The following ABHD3 variants were observed in gnomAD, a reference collection of about 807,000 sequenced individuals.
ABHD3 encodes the protein phospholipase ABHD3.
In ABHD3, 46 loss-of-function variants were observed where a neutral mutation model predicts 48.8. That is an observed-to-expected ratio of 0.94 (90% CI 0.74 to 1.20). The LOEUF (loss-of-function observed/expected upper bound fraction) is 1.20. ABHD3 is among the 50% of genes most tolerant of loss of function. The pLI, the probability that ABHD3 is intolerant of heterozygous loss-of-function variation, is 0.00. For synonymous variants in ABHD3, 192 were observed against 183.7 expected (o/e 1.04, Z -0.36); for missense variants, 490 against 497.8 (o/e 0.98, Z 0.15).
At chr18:21,663,269 G>A (rs1378073587) in intron 5 of ABHD3, among the ~76,000 whole-genome samples, 4 of 151,898 alleles carry the variant, frequency 2.6e-5, no homozygotes, top group African/African-American at 9.7e-5. Context: ...AGTGATTCAT[G>A]TTCAAGATGT....
chr18:21,689,945 A>C (rs2040210319), intron 3 of ABHD3, among the ~76,000 whole-genome samples: 2 of 152,182 alleles, frequency 1.3e-5, no homozygotes, highest in Non-Finnish European at 2.9e-5. Context: ...AACTGTCCAG[A>C]ACACAACCCC....
In ABHD3 at chr18:21,659,342, T is replaced by C; in HGVS notation, c.670A>G (p.Met224Val). Reference protein sequence around the residue: ...FLAAGVSMGGMLLLNYLGKIG... With the variant: ...FLAAGVSMGGVLLLNYLGKIG... ...TTGCCCAAGTAATTTAGAAGCAGCATTCTAAAATGGGGAGAAACAGGAAAC... is the reference window on the plus strand; with the variant it reads ...TTGCCCAAGTAATTTAGAAGCAGCACTCTAAAATGGGGAGAAACAGGAAAC... The change falls in exon 6 of 9, where the codon ATG becomes GTG. Residue 224 changes from methionine to valine, a missense_variant and splice_region_variant. Met to Val is a conservative substitution (Grantham distance 21). Transcript: ENST00000289119. The C allele has an allele frequency of 6.2e-7, 1 of 1,605,918 alleles. No individual in the cohort carries two copies. Among genetic ancestry groups the C allele is most frequent in the Non-Finnish European group, 8.5e-7 (1 of 1,177,610 alleles).
chr18:21,702,050 A>G (rs780776051), intron 3 of ABHD3: 113 of 277,876 alleles, frequency 4.1e-4, no homozygotes, highest in Middle Eastern at 2.2e-3. Context: ...GGGCTCAGTC[A>G]ATGCTCAGAT....
chr18:21,702,198 T>C (rs2040527762), intron 3 of ABHD3, 118 bp downstream of exon 3: 7 of 888,094 alleles, frequency 7.9e-6, no homozygotes, highest in Non-Finnish European at 8.1e-6. Context: ...AAAATAATAA[T>C]TTAAGGGACT....
At chr18:21,659,118 C>A (rs551240611) in intron 6 of ABHD3, 52 bp downstream of exon 6, 178 of 1,561,196 alleles carry the variant, frequency 1.1e-4, no homozygotes, top group Non-Finnish European at 1.4e-4. Context: ...GGATTACAGG[C>A]GTGAGCCACC....
At chr18:21,687,966 A>G (rs910349217) in intron 3 of ABHD3, among the ~76,000 whole-genome samples, 1 of 152,352 alleles carries the variant, frequency 6.6e-6, no homozygotes, top group East Asian at 1.9e-4. Context: ...GTCTCCAGAC[A>G]TTGCCAAATG....
chr18:21,664,077 G>C (rs764241281), intron 5 of ABHD3, 41 bp downstream of exon 5: 1 of 1,577,066 alleles, frequency 6.3e-7, no homozygotes, highest in Non-Finnish European at 8.6e-7. Flanking sequence ...CAATAAAATA[G>C]CTTCCCTCTC....
chr18:21,690,595 G>A (rs2146327020), intron 3 of ABHD3, among the ~76,000 whole-genome samples: 1 of 151,968 alleles, frequency 6.6e-6, no homozygotes, highest in South Asian at 2.1e-4. Flanking sequence ...GAGCAAGACT[G>A]TCTCAAAAAC....
At chr18:21,675,194 A>T (rs2039849834) in intron 4 of ABHD3, among the ~76,000 whole-genome samples, 1 of 150,758 alleles carries the variant, frequency 6.6e-6, no homozygotes. Flanking sequence ...GAGACCACTC[A>T]TCAGCTTTAT....
At position 21,659,128 on chromosome 18, in the gene ABHD3, C is replaced by T. The variant is rs112413414; in HGVS notation, c.842+42G>A. ...TGCTGGGATTACAGGCGTGAGCCAC[C>T]GGGCCCGGCCCTGGAGACAACAGAT... On this transcript the variant is annotated intron_variant, in intron 6 of 8. Transcript: ENST00000289119. The T allele has an allele frequency of 3.3e-3, 5,296 of 1,581,190 alleles. 43 individuals carry two copies. Among genetic ancestry groups the T allele is most frequent in the African/African-American group, 0.029 (2,137 of 73,472 alleles).
intron 3 of ABHD3, among the ~76,000 whole-genome samples, chr18:21,697,074 CTTTT>C (rs781661076): frequency 2.2e-5 from 3 of 135,696 alleles, no homozygotes; most frequent in Non-Finnish European, 3.1e-5. Flanking sequence ...ATTCTATTAA[CTTTT>C]TTTTTTTTTT....
chr18:21,694,359 A>C (rs1229313522), intron 3 of ABHD3, among the ~76,000 whole-genome samples: 3 of 152,216 alleles, frequency 2.0e-5, no homozygotes, highest in Non-Finnish European at 4.4e-5. Flanking sequence ...GGCCTCCCAA[A>C]GTGCTGGGAT....
intron 3 of ABHD3, among the ~76,000 whole-genome samples, chr18:21,697,608 T>G (rs1249041063): frequency 6.6e-6 from 1 of 152,168 alleles, no homozygotes; most frequent in Admixed American, 6.5e-5. Context: ...CTCAAACTCC[T>G]GACCTCAAGT....
rs1252758353 is a variant in ABHD3 at position 21,651,768 on chromosome 18, A to G, written c.1058-5T>C. On this transcript the variant is annotated splice_polypyrimidine_tract_variant and splice_region_variant and intron_variant, in intron 8 of 8. Coordinates refer to ENST00000289119, the MANE Select transcript of ABHD3 (RefSeq NM_138340.5). ...TAGCAGTTTCTATTGGAATAGCTTC[A>G]GACCAAAAAAAACATGGCAATAAGA... is the stretch of plus-strand genomic sequence containing the variant. 1.3e-6 allele frequency: 2 copies of G among 1,519,018 alleles called. No individual in the cohort carries two copies. Among genetic ancestry groups the G allele is most frequent in the Non-Finnish European group, 1.8e-6 (2 of 1,132,674 alleles). 94.1% of individuals were successfully genotyped at this position (1,519,018 alleles called of 1,614,324 possible).
At chr18:21,656,646 T>G (rs2039357040) in intron 8 of ABHD3, among the ~76,000 whole-genome samples, 1 of 152,178 alleles carries the variant, frequency 6.6e-6, no homozygotes, top group Non-Finnish European at 1.5e-5. Context: ...AGCAAAACAG[T>G]GAGTCATAAT....
chr18:21,693,841 C>T (rs2040307442), intron 3 of ABHD3, among the ~76,000 whole-genome samples: 1 of 152,168 alleles, frequency 6.6e-6, no homozygotes, highest in African/African-American at 2.4e-5. Flanking sequence ...AAAATGATTT[C>T]TTATCTAAGA....
chr18:21,702,097 C>T (rs1259436335), intron 3 of ABHD3: 3 of 425,208 alleles, frequency 7.1e-6, no homozygotes, highest in Non-Finnish European at 1.3e-5. Context: ...CCTAAATCTG[C>T]AGAGTGTCTA....
At chr18:21,664,304 CA>C (rs2039572669) in intron 4 of ABHD3, 74 bp from the exon 5 acceptor site, 4 of 1,408,828 alleles carry the variant, frequency 2.8e-6, no homozygotes, top group Non-Finnish European at 3.9e-6. Flanking sequence ...GAAATGTAAA[CA>C]GGAGCAAGGA....
At chr18:21,688,109 G>A (rs533457980) in intron 3 of ABHD3, among the ~76,000 whole-genome samples, 22 of 152,242 alleles carry the variant, frequency 1.4e-4, no homozygotes, top group Middle Eastern at 6.8e-3. Flanking sequence ...AATGCACTCC[G>A]GCCTGGGTGA....
Sources: gnomAD v4.1 joint callset for allele counts (sites outside exome capture counted in the v4.1 genomes callset) on GRCh38, gnomAD v4.1.1 for gene constraint, MANE v1.5 for transcripts, NCBI Gene and HGNC (gene_info 2026-07-23, HGNC 2026-07-21) for gene names.